The following FAAH2 variants were observed in gnomAD, a reference collection of about 807,000 sequenced individuals.
FAAH2 encodes the protein fatty acid amide hydrolase 2.
Under a neutral mutation model 36.9 loss-of-function variants are expected in FAAH2, and 60 were observed. That is an observed-to-expected ratio of 1.63 (90% CI 1.32 to 2.02). FAAH2 has a LOEUF of 2.02. FAAH2 is among the 30% of genes most tolerant of loss of function. The pLI, the probability that FAAH2 is intolerant of heterozygous loss-of-function variation, is 0.00. For synonymous variants in FAAH2, 214 were observed against 143.8 expected (o/e 1.49, Z -3.49); for missense variants, 689 against 397.5 (o/e 1.73, Z -6.23).
chrX:57,377,736 G>A (rs916149386), intron 5 of FAAH2, among the ~76,000 whole-genome samples: 5 of 112,115 alleles, frequency 4.5e-5, no homozygotes, highest in African/African-American at 1.6e-4. Context: ...ACTTTGGGTA[G>A]TATGGCCATT....
At chrX:57,213,284 T>G in the FAAH2 span, among the ~76,000 whole-genome samples, 1 of 111,706 alleles carries the variant, frequency 9.0e-6, no homozygotes, top group African/African-American at 3.2e-5. Flanking sequence ...AAAAATCATT[T>G]GGTTTCATTG....
intron 1 of FAAH2, 60 bp from the exon 2 acceptor site, chrX:57,292,438 C>T: frequency 9.8e-7 from 1 of 1,021,910 alleles, no homozygotes; most frequent in African/African-American, 1.9e-5. Context: ...TCAGGAAATA[C>T]TTGTTGAATG....
intron 8 of FAAH2, among the ~76,000 whole-genome samples, chrX:57,445,139 C>T (rs1182627553): frequency 9.0e-6 from 1 of 111,429 alleles, no homozygotes; most frequent in African/African-American, 3.3e-5. Context: ...AAAGACTTCC[C>T]GTGTATTCGA....
chrX:57,393,669 A>G (rs2055221587), intron 7 of FAAH2: 6 of 977,788 alleles, frequency 6.1e-6, no homozygotes, highest in Admixed American at 2.2e-5. Context: ...TTCTTACTGG[A>G]TGCCACCACC....
At chrX:57,444,329 T>G (rs1043014435) in intron 8 of FAAH2, among the ~76,000 whole-genome samples, 1 of 111,799 alleles carries the variant, frequency 8.9e-6, no homozygotes, top group Non-Finnish European at 1.9e-5. Flanking sequence ...TCCCCCAGCC[T>G]CGCTGCCACC....
intron 10 of FAAH2, among the ~76,000 whole-genome samples, chrX:57,455,633 A>G (rs1342920549): frequency 8.9e-6 from 1 of 112,116 alleles, no homozygotes; most frequent in African/African-American, 3.2e-5. Context: ...AACAACAACA[A>G]CAAAAGATCA....
chrX:57,196,848 T>G, the FAAH2 span, among the ~76,000 whole-genome samples: 1 of 111,561 alleles, frequency 9.0e-6, no homozygotes, highest in African/African-American at 3.3e-5. Flanking sequence ...CTAGTGACAA[T>G]GTGCCTAGGT....
At chrX:57,467,662 C>A (rs868009902) in intron 10 of FAAH2, among the ~76,000 whole-genome samples, 9 of 112,111 alleles carry the variant, frequency 8.0e-5, no homozygotes, top group Non-Finnish European at 1.1e-4. Flanking sequence ...TCTGTAGACT[C>A]CACCTCTGGG....
chrX:57,443,000 C>G (rs910619262), intron 8 of FAAH2, among the ~76,000 whole-genome samples: 1 of 111,800 alleles, frequency 8.9e-6, no homozygotes, highest in Non-Finnish European at 1.9e-5. Flanking sequence ...GATGGGCTTC[C>G]CTTTGTGGGT....
chrX:57,139,579 G>C, the FAAH2 span, among the ~76,000 whole-genome samples: 2 of 110,778 alleles, frequency 1.8e-5, no homozygotes, highest in African/African-American at 6.6e-5. Flanking sequence ...TCAGCCTCCC[G>C]AGTAGCTGGA....
chrX:57,364,443 C>CTTTTT (rs1225398163), intron 5 of FAAH2, among the ~76,000 whole-genome samples: 5 of 73,318 alleles, frequency 6.8e-5, no homozygotes, highest in African/African-American at 2.6e-4. Context: ...GGATCTTCTC[C>CTTTTT]TTTTTTTTTT....
the FAAH2 span, among the ~76,000 whole-genome samples, chrX:57,191,748 C>A: frequency 8.9e-6 from 1 of 111,924 alleles, no homozygotes; most frequent in Non-Finnish European, 1.9e-5. Context: ...AAGGTCTTTT[C>A]CTCAGTGTGT....
chrX:57,331,196 C>T (rs942837486), intron 3 of FAAH2, among the ~76,000 whole-genome samples: 1 of 111,883 alleles, frequency 8.9e-6, no homozygotes, highest in African/African-American at 3.3e-5. Flanking sequence ...TACCACTTCT[C>T]TGAGCACCTC....
At chrX:57,407,052 C>G (rs2055584080) in intron 7 of FAAH2, among the ~76,000 whole-genome samples, 1 of 112,065 alleles carries the variant, frequency 8.9e-6, no homozygotes, top group Non-Finnish European at 1.9e-5. Context: ...CCTGTGTTTC[C>G]TTTGTCCCAA....
chrX:57,168,160 A>G, the FAAH2 span, among the ~76,000 whole-genome samples: 1 of 110,920 alleles, frequency 9.0e-6, no homozygotes, highest in Non-Finnish European at 1.9e-5. Flanking sequence ...GCTTTTTTTA[A>G]TTTTTAGTAA....
chrX:57,276,079 G>A, the FAAH2 span, among the ~76,000 whole-genome samples: 1 of 111,666 alleles, frequency 9.0e-6, no homozygotes, highest in Non-Finnish European at 1.9e-5. Flanking sequence ...GGACCTAATA[G>A]ACATCTACAG....
Position 57,396,996 on chromosome X carries a change from T to C in FAAH2, c.996+15967T>C, listed in dbSNP as rs780067012. 4.5e-5 allele frequency among the ~76,000 whole-genome samples: 5 copies of C among 112,174 alleles called. No homozygotes were observed. In the South Asian group the frequency reaches 1.8e-3, roughly 41 times the overall value. ...CTTAGGTCTAGTCATATTTGTTTTA[T>C]GAATTTGGTCTTCCAGTGTTGGGTG... On this transcript the variant is annotated intron_variant, in intron 7 of 10. Coordinates refer to ENST00000374900, the MANE Select transcript of FAAH2 (RefSeq NM_174912.4).
At chrX:57,445,418 A>G (rs1339094143) in intron 8 of FAAH2, among the ~76,000 whole-genome samples, 1 of 111,652 alleles carries the variant, frequency 9.0e-6, no homozygotes, top group Non-Finnish European at 1.9e-5. Context: ...TGTGGCCACT[A>G]CAGCTGGCAG....
rs2053413488 is a variant in FAAH2, at chrX:57,331,742, G to C, written c.557G>C (p.Ser186Thr). The C allele has an allele frequency of 8.3e-7, 1 of 1,211,354 alleles. No homozygotes were observed. Residue 186 changes from serine to threonine, a missense_variant, in exon 4 of 11, where the codon AGT (serine) becomes ACT (threonine). Physicochemically the swap from Ser to Thr is moderately conservative, Grantham distance 58. Coordinates refer to ENST00000374900, the MANE Select transcript of FAAH2 (RefSeq NM_174912.4). ...GAGTTGTGTATGTGGTATGAATCCA[G>C]TAACAAGATCTATGGCCGATCAAAC... is the stretch of plus-strand genomic sequence containing the variant. ...CSELCMWYES[S>T]NKIYGRSNNP...
Sources: gnomAD v4.1 joint callset for allele counts (sites outside exome capture counted in the v4.1 genomes callset) on GRCh38, gnomAD v4.1.1 for gene constraint, MANE v1.5 for transcripts, NCBI Gene and HGNC (gene_info 2026-07-23, HGNC 2026-07-21) for gene names.